Variants in CDH8 observed in about 807,000 individuals in gnomAD.
CDH8 encodes the protein cadherin 8, also known as cadherin-8.
A neutral mutation model predicts 68.1 loss-of-function variants in CDH8; 17 were observed. The ratio of observed to expected loss-of-function variants is 0.25; its 90% CI spans 0.17 to 0.37. The LOEUF (loss-of-function observed/expected upper bound fraction) is 0.37, where lower values mean the gene tolerates loss of function less well. Among genes scored for constraint, CDH8 ranks in the 10% least tolerant of loss-of-function variants. CDH8 has a pLI of 1.00. For synonymous variants in CDH8, 372 were observed against 365.1 expected (o/e 1.02, Z -0.21); for missense variants, 763 against 999.3 (o/e 0.76, Z 3.19).
intron 10 of CDH8, among the ~76,000 whole-genome samples, chr16:61,689,285 G>A (rs72796863): frequency 0.011 from 1,642 of 151,984 alleles, 19 homozygotes; most frequent in South Asian, 0.02. Context: ...AAGATCTCTC[G>A]CAATCACTCA....
At chr16:61,665,553 C>T (rs1170682380) in intron 10 of CDH8, among the ~76,000 whole-genome samples, 1 of 151,760 alleles carries the variant, frequency 6.6e-6, no homozygotes, top group Non-Finnish European at 1.5e-5. Flanking sequence ...ACCTAATGCA[C>T]ACAGGGCTTA....
In CDH8 at chr16:61,706,881, C is replaced by A. The variant is rs189893294; in HGVS notation, c.1654+6960G>T. ...CATTCTGTCACTCTTAAATATTCCA[C>A]TTGCCACTATGTAAATAACTTTATG... On this transcript the variant is annotated intron_variant, in intron 10 of 11. Transcript: ENST00000577390. 9.2e-5 allele frequency among the ~76,000 whole-genome samples: 14 copies of A among 152,270 alleles called. No individual in the cohort carries two copies. In the East Asian group the frequency reaches 2.7e-3, roughly 29 times the overall value.
intron 3 of CDH8, among the ~76,000 whole-genome samples, chr16:61,886,925 A>G (rs1963684412): frequency 6.6e-6 from 1 of 152,174 alleles, no homozygotes; most frequent in Non-Finnish European, 1.5e-5. Context: ...CTGACAATAG[A>G]GTGATGCATA....
At chr16:61,766,282 T>C (rs1303325921) in intron 8 of CDH8, among the ~76,000 whole-genome samples, 1 of 151,994 alleles carries the variant, frequency 6.6e-6, no homozygotes, top group East Asian at 1.9e-4. Flanking sequence ...CTTAGAATAA[T>C]GGCCCCCAGT....
chr16:61,779,600 G>A (rs892230211), intron 8 of CDH8, among the ~76,000 whole-genome samples: 2 of 151,956 alleles, frequency 1.3e-5, no homozygotes, highest in Non-Finnish European at 2.9e-5. Flanking sequence ...AATTTTCTAG[G>A]CAATTCTAAT....
chr16:61,732,526 A>G (rs188657446), intron 8 of CDH8, among the ~76,000 whole-genome samples: 12 of 151,940 alleles, frequency 7.9e-5, no homozygotes, highest in Admixed American at 4.0e-4. Flanking sequence ...CATCACAAGT[A>G]TCTTTCATAA....
At chr16:61,783,112 G>T (rs1225866151) in intron 8 of CDH8, among the ~76,000 whole-genome samples, 2 of 147,228 alleles carry the variant, frequency 1.4e-5, no homozygotes, top group African/African-American at 5.1e-5. Flanking sequence ...GCTGAGAGAA[G>T]AAGGCTTCAG....
intron 10 of CDH8, among the ~76,000 whole-genome samples, chr16:61,659,108 C>T (rs894272142): frequency 2.0e-4 from 30 of 152,166 alleles, no homozygotes; most frequent in African/African-American, 6.0e-4. Flanking sequence ...TTTATAAAAG[C>T]GAATCTTATT....
rs2142789886 is a variant in CDH8 at position 61,676,373 on chromosome 16, A to G, written c.1655-20652T>C. 2.0e-5 allele frequency among the ~76,000 whole-genome samples: 3 copies of G among 152,062 alleles called. No homozygotes were observed. The East Asian group carries it at 5.8e-4, about 29-fold the overall frequency. ...ATGAATATTAGTGATAAAGAGGGCCATCATAATAATGAAAAGGTCAATTAA... is the reference window on the plus strand; with the variant it reads ...ATGAATATTAGTGATAAAGAGGGCCGTCATAATAATGAAAAGGTCAATTAA... On this transcript the variant is annotated intron_variant, in intron 10 of 11. Transcript: ENST00000577390.
intron 3 of CDH8, among the ~76,000 whole-genome samples, chr16:61,886,110 C>T (rs1963667972): frequency 1.3e-5 from 2 of 152,128 alleles, no homozygotes; most frequent in Admixed American, 6.6e-5. Flanking sequence ...CGTTTCAGCT[C>T]ATTGCTTTTA....
intron 10 of CDH8, among the ~76,000 whole-genome samples, chr16:61,677,333 CT>C: frequency 6.6e-6 from 1 of 151,442 alleles, no homozygotes; most frequent in Admixed American, 6.6e-5. Context: ...CTTTTCCTTA[CT>C]GGCATCTTTC....
chr16:62,031,842 G>A (rs933939538), intron 1 of CDH8: 1 of 152,170 alleles, frequency 6.6e-6, no homozygotes, highest in Non-Finnish European at 1.5e-5. Flanking sequence ...CAGAGATTTA[G>A]TTAGCGGCAA....
At chr16:61,884,346 A>G (rs569383833) in intron 3 of CDH8, among the ~76,000 whole-genome samples, 23 of 152,020 alleles carry the variant, frequency 1.5e-4, no homozygotes, top group African/African-American at 5.1e-4. Context: ...CACGTGATGA[A>G]TAGTAAGTAT....
At chr16:61,965,158 G>A (rs543701184) in intron 2 of CDH8, among the ~76,000 whole-genome samples, 1 of 152,214 alleles carries the variant, frequency 6.6e-6, no homozygotes, top group African/African-American at 2.4e-5. Context: ...CCCTCAAGTA[G>A]GCATCACTTC....
At chr16:61,882,735 GGAA>G (rs1298471572) in intron 3 of CDH8, among the ~76,000 whole-genome samples, 1 of 152,108 alleles carries the variant, frequency 6.6e-6, no homozygotes, top group African/African-American at 2.4e-5. Context: ...GTGAAGGGTG[GGAA>G]GAAGGAGAGG....
intron 2 of CDH8, among the ~76,000 whole-genome samples, chr16:61,933,218 G>A (rs1054660748): frequency 1.3e-5 from 2 of 152,098 alleles, no homozygotes; most frequent in Admixed American, 6.5e-5. Flanking sequence ...TTCATCAAAC[G>A]AAGAGAATCA....
chr16:61,670,400 T>C (rs1963767447), intron 10 of CDH8, among the ~76,000 whole-genome samples: 1 of 152,054 alleles, frequency 6.6e-6, no homozygotes, highest in Non-Finnish European at 1.5e-5. Flanking sequence ...AGAGGGTGAA[T>C]GTGTAACAAG....
chr16:62,008,331 G>A (rs1236688487), intron 2 of CDH8, among the ~76,000 whole-genome samples: 1 of 152,122 alleles, frequency 6.6e-6, no homozygotes, highest in East Asian at 1.9e-4. Flanking sequence ...TGGCTCTGTG[G>A]TTTGTGTCCT....
At chr16:61,865,525 C>T (rs1320407497) in intron 3 of CDH8, among the ~76,000 whole-genome samples, 2 of 152,122 alleles carry the variant, frequency 1.3e-5, no homozygotes, top group Non-Finnish European at 2.9e-5. Context: ...TTTATATGCA[C>T]AGAGGGGAAC....
Sources: allele counts gnomAD v4.1 joint callset (sites outside exome capture counted in the v4.1 genomes callset), GRCh38; gene constraint gnomAD v4.1.1; transcripts MANE v1.5; gene names NCBI Gene and HGNC (gene_info 2026-07-23, HGNC 2026-07-21).